Variants in NELL1 observed in about 807,000 individuals in gnomAD.
NELL1 encodes the protein neural EGFL like 1.
In NELL1, 76 loss-of-function variants were observed where a neutral mutation model predicts 107.4. The observed-to-expected ratio is 0.71, with a 90% CI of 0.59 to 0.86. NELL1 has a LOEUF of 0.86. NELL1 is among the 40% of genes least tolerant of loss of function. The pLI is 0.00. For missense variants in NELL1, 1,024 were observed against 1,005.5 expected (o/e 1.02, Z -0.25); for synonymous variants, 353 against 341.2 (o/e 1.03, Z -0.38).
intron 2 of NELL1, among the ~76,000 whole-genome samples, chr11:20,679,383 A>G (rs1854138010): frequency 6.6e-6 from 1 of 152,206 alleles, no homozygotes; most frequent in Non-Finnish European, 1.5e-5. Context: ...TTATGATGAT[A>G]ACAAAAGGAT....
At chr11:21,485,018 C>G (rs187538652) in intron 15 of NELL1, among the ~76,000 whole-genome samples, 2 of 152,162 alleles carry the variant, frequency 1.3e-5, no homozygotes, top group Admixed American at 6.5e-5. Flanking sequence ...CTGGGAGAAG[C>G]TCCTGGACAT....
intron 12 of NELL1, among the ~76,000 whole-genome samples, chr11:20,973,647 A>G (rs11025843): frequency 0.13 from 19,023 of 152,122 alleles, 1,647 homozygotes; most frequent in East Asian, 0.25. Context: ...TTTCTTTCCA[A>G]TTTTAAGTTG....
intron 14 of NELL1, among the ~76,000 whole-genome samples, chr11:21,359,278 C>G (rs1851016829): frequency 6.6e-6 from 1 of 152,132 alleles, no homozygotes; most frequent in African/African-American, 2.4e-5. Context: ...TGATATATCA[C>G]ATTTATTGAC....
intron 15 of NELL1, among the ~76,000 whole-genome samples, chr11:21,395,779 G>T (rs1036965606): frequency 1.3e-5 from 2 of 150,554 alleles, no homozygotes; most frequent in Non-Finnish European, 3.0e-5. Flanking sequence ...AAATTACATT[G>T]GCCTCTCTGA....
chr11:21,549,758 A>C (rs1398880076), intron 16 of NELL1, among the ~76,000 whole-genome samples: 1 of 151,876 alleles, frequency 6.6e-6, no homozygotes, highest in Non-Finnish European at 1.5e-5. Context: ...AAAGATTTTA[A>C]AAACGTAATA....
chr11:20,669,648 G>C lies in NELL1; in HGVS notation c.-76G>C. 1 of 1,327,450 alleles carries C rather than the reference G, an allele frequency of 7.5e-7. No homozygotes were observed. The highest frequency in any genetic ancestry group is 1.1e-6 in the Non-Finnish European group (1 of 927,440). The allele number at this position is 1,327,450 out of a possible 1,614,324, so 82.2% of individuals were successfully genotyped here. ...AGCAAGTTTGGCGGCTCCAAGCCAG[G>C]CGCGCCTCAGGATCCAGGCTCATTT... On this transcript the variant is annotated 5_prime_UTR_variant, in exon 1 of 20. Transcript: ENST00000357134. The surrounding 1 kb of genome is among the most constrained non-coding windows in gnomAD (Gnocchi z 4.4).
At chr11:20,827,796 T>A (rs1311166649) in intron 3 of NELL1, among the ~76,000 whole-genome samples, 1 of 151,228 alleles carries the variant, frequency 6.6e-6, no homozygotes, top group Admixed American at 6.6e-5. Context: ...CCACCCTAAG[T>A]TAATGTGTAC....
chr11:21,392,394 T>C (rs1275168144), intron 15 of NELL1, among the ~76,000 whole-genome samples: 1 of 151,852 alleles, frequency 6.6e-6, no homozygotes, highest in Non-Finnish European at 1.5e-5. Flanking sequence ...CTATGAGTCA[T>C]TTTCTCCTGT....
At chr11:20,903,528 C>T (rs879323515) in intron 5 of NELL1, among the ~76,000 whole-genome samples, 4 of 152,030 alleles carry the variant, frequency 2.6e-5, no homozygotes, top group African/African-American at 7.2e-5. Context: ...TTTGAAGGCT[C>T]AAATTTGAGT....
chr11:21,222,799 C>T (rs1448942680), intron 13 of NELL1, among the ~76,000 whole-genome samples: 2 of 152,084 alleles, frequency 1.3e-5, no homozygotes, highest in African/African-American at 2.4e-5. Flanking sequence ...AGTGGTCATT[C>T]AGGAACCACT....
intron 5 of NELL1, among the ~76,000 whole-genome samples, chr11:20,909,583 G>A (rs943598059): frequency 8.1e-6 from 1 of 122,742 alleles, no homozygotes; most frequent in African/African-American, 2.5e-5. Flanking sequence ...GTGTTGCTTT[G>A]CTTTTTGAAG....
intron 14 of NELL1, among the ~76,000 whole-genome samples, chr11:21,326,065 T>G (rs576522036): frequency 0.23 from 27,207 of 120,142 alleles, 3,598 homozygotes; most frequent in Admixed American, 0.35. Context: ...TTTTTTTTTT[T>G]TTTTTTTTTT....
intron 14 of NELL1, among the ~76,000 whole-genome samples, chr11:21,346,518 A>G (rs4589295): frequency 0.42 from 61,240 of 147,374 alleles, 12,798 homozygotes; most frequent in African/African-American, 0.49. Context: ...TAAATAAATT[A>G]TATATAATTT....
At chr11:20,872,671 G>GGTGGGTGTGT (rs1554935709) in intron 4 of NELL1, among the ~76,000 whole-genome samples, 1 of 137,094 alleles carries the variant, frequency 7.3e-6, no homozygotes, top group African/African-American at 2.7e-5. Flanking sequence ...CAGTGTTTGA[G>GGTGGGTGTGT]GTGTGTGTGT....
chr11:21,135,493 A>G (rs560861937), intron 13 of NELL1, among the ~76,000 whole-genome samples: 12 of 152,260 alleles, frequency 7.9e-5, no homozygotes, highest in Admixed American at 7.2e-4. Flanking sequence ...CTTGAGCCCA[A>G]CTTTGGAACC....
intron 14 of NELL1, among the ~76,000 whole-genome samples, chr11:21,231,251 A>G (rs1007220189): frequency 9.2e-5 from 14 of 152,196 alleles, no homozygotes; most frequent in African/African-American, 2.9e-4. Flanking sequence ...ATTTATGTAA[A>G]TACATAAAGA....
chr11:21,458,017 C>T (rs543669824), intron 15 of NELL1, among the ~76,000 whole-genome samples: 1,008 of 70,980 alleles, frequency 0.014, 11 homozygotes, highest in African/African-American at 0.03. Flanking sequence ...ATAGGAAGAT[C>T]AGGTGATGGA....
At chr11:21,088,556 T>C (rs1388956679) in intron 12 of NELL1, among the ~76,000 whole-genome samples, 2 of 152,206 alleles carry the variant, frequency 1.3e-5, no homozygotes, top group African/African-American at 2.4e-5. Context: ...CAGATTTGTA[T>C]TGATAGCAAC....
intron 14 of NELL1, among the ~76,000 whole-genome samples, chr11:21,268,196 A>C (rs72951445): frequency 0.016 from 2,376 of 152,214 alleles, 36 homozygotes; most frequent in East Asian, 0.062. Flanking sequence ...TAATTGCTTT[A>C]GGCTTATAGA....
Sources: allele counts gnomAD v4.1 joint callset (sites outside exome capture counted in the v4.1 genomes callset), GRCh38; gene constraint gnomAD v4.1.1; non-coding constraint Gnocchi (gnomAD v3.1); transcripts MANE v1.5; gene names NCBI Gene and HGNC (gene_info 2026-07-23, HGNC 2026-07-21).